Variants in PDXDC1 observed in about 807,000 individuals in gnomAD.
The protein encoded by PDXDC1 is pyridoxal-dependent decarboxylase domain-containing protein 1.
Under a neutral mutation model 100.1 loss-of-function variants are expected in PDXDC1, and 42 were observed. The observed-to-expected ratio is 0.42, with a 90% confidence interval of 0.33 to 0.54. PDXDC1 has a LOEUF of 0.54. Ranked by LOEUF, PDXDC1 falls within the 20% of genes least tolerant of loss-of-function variation. The pLI, the probability that PDXDC1 is intolerant of heterozygous loss-of-function variation, is 0.10. For missense variants in PDXDC1, 636 were observed against 979.2 expected, an observed-to-expected ratio of 0.65 and a Z score of 4.68; for synonymous variants, 260 against 371.7, an observed-to-expected ratio of 0.70 and a Z score of 3.46.
intron 16 of PDXDC1, among the ~76,000 whole-genome samples, chr16:15,105,248 C>T (rs2151858199): frequency 8.2e-6 from 1 of 121,400 alleles, no homozygotes; most frequent in Middle Eastern, 3.8e-3. Context: ...TATGTTCTGT[C>T]TCTGATTCTC....
At chr16:15,005,958 G>A (rs1476655131) in intron 5 of PDXDC1, among the ~76,000 whole-genome samples, 1 of 152,298 alleles carries the variant, frequency 6.6e-6, no homozygotes, top group Non-Finnish European at 1.5e-5. Flanking sequence ...AAAGTGCTGA[G>A]ATTACAGGCG....
chr16:15,001,466 G>T (rs1329701777), intron 3 of PDXDC1, among the ~76,000 whole-genome samples: 1 of 152,288 alleles, frequency 6.6e-6, no homozygotes. Flanking sequence ...TCCAGCTTGG[G>T]TGACAAAGTG....
intron 5 of PDXDC1, among the ~76,000 whole-genome samples, chr16:15,005,317 A>AG (rs1555551933): frequency 4.1e-5 from 6 of 146,860 alleles, no homozygotes; most frequent in Non-Finnish European, 9.0e-5. Context: ...AAAAAAAAAA[A>AG]AAAGAAAACT....
chr16:15,130,368 G>A (rs762696131), intron 16 of PDXDC1: 8 of 1,568,526 alleles, frequency 5.1e-6, no homozygotes, highest in East Asian at 2.4e-5. Context: ...GCACAGGGAC[G>A]TGTACAGGCC....
intron 16 of PDXDC1, chr16:15,132,648 G>A (rs1306727393): frequency 2.5e-5 from 19 of 751,234 alleles, no homozygotes; most frequent in Admixed American, 1.2e-4. Context: ...CAAGCTGCCC[G>A]TCTGCCCTGG....
At chr16:15,040,056 A>C, downstream of PDXDC1, 1 of 1,598,296 alleles carries the variant, frequency 6.3e-7, no homozygotes, top group Non-Finnish European at 8.6e-7. Flanking sequence ...CTGCAGTCTT[A>C]ATGTTGACAG....
upstream of PDXDC1, chr16:14,974,904 G>A (rs1343128663): frequency 1.3e-6 from 2 of 1,535,538 alleles, no homozygotes; most frequent in South Asian, 1.2e-5. Flanking sequence ...GAAAGAGTTT[G>A]GTGAACAATC....
chr16:15,019,152 T>G lies in PDXDC1; in HGVS notation c.1089+187T>G, dbSNP rs367958256. Among the ~76,000 whole-genome samples the G allele has an allele frequency of 6.6e-5, 10 of 152,404 alleles. No homozygotes were observed. The East Asian group carries it at 1.7e-3, about 26-fold the overall frequency. ...TTCTGGGAGAAAGTGCTGGGTTGTC[T>G]GTCCCAGCATTTGTGTGCAGATGAA... On this transcript the variant is annotated intron_variant, in intron 12 of 22. Transcript: ENST00000396410.
chr16:14,983,553 A>C (rs1342223120), intron 1 of PDXDC1, among the ~76,000 whole-genome samples: 3 of 138,180 alleles, frequency 2.2e-5, no homozygotes, highest in African/African-American at 7.7e-5. Flanking sequence ...AGCCTAGGCG[A>C]CAGAGCAAGA....
At chr16:15,132,630 T>A in intron 16 of PDXDC1, 1 of 776,472 alleles carries the variant, frequency 1.3e-6, no homozygotes, top group South Asian at 1.5e-5. Flanking sequence ...GAGGCTCAGC[T>A]CCTCGGCCAA....
At chr16:15,112,160 A>C (rs2047093765) in intron 16 of PDXDC1, among the ~76,000 whole-genome samples, 1 of 148,598 alleles carries the variant, frequency 6.7e-6, no homozygotes, top group South Asian at 2.2e-4. Flanking sequence ...TCATAGCTAA[A>C]ATGCAAAGCA....
chr16:15,036,388 A>G lies in PDXDC1; in HGVS notation c.*113A>G. On this transcript the variant is annotated 3_prime_UTR_variant, in exon 23 of 23. Transcript: ENST00000396410. ...TATAAATTACTGTTGTTTGTGCTTCACTGGGATTTTGGCACAAATATGTGC... is the reference window on the plus strand; with the variant it reads ...TATAAATTACTGTTGTTTGTGCTTCGCTGGGATTTTGGCACAAATATGTGC... 2 of 1,129,450 alleles carry G rather than the reference A, an allele frequency of 1.8e-6. No homozygotes were observed. Among genetic ancestry groups the G allele is most frequent in the Non-Finnish European group, 2.5e-6 (2 of 788,498 alleles). 70.0% of individuals were successfully genotyped at this position (1,129,450 alleles called of 1,614,324 possible). A position where few individuals can be genotyped will look rare whatever the true frequency, so the allele number is the denominator to read the frequency against.
chr16:14,998,720 G>T (rs531332058), intron 3 of PDXDC1, among the ~76,000 whole-genome samples: 108 of 152,370 alleles, frequency 7.1e-4, no homozygotes, highest in African/African-American at 2.5e-3. Flanking sequence ...CTCCCAAAGT[G>T]CTGGGATTAC....
At chr16:15,034,056 G>A in intron 19 of PDXDC1, 1 of 586,446 alleles carries the variant, frequency 1.7e-6, no homozygotes, top group Non-Finnish European at 3.0e-6. Flanking sequence ...TGACTTCTCT[G>A]TTTTCAAGAA....
chr16:14,987,988 A>G (rs541761512), intron 1 of PDXDC1, among the ~76,000 whole-genome samples: 1 of 140,372 alleles, frequency 7.1e-6, no homozygotes, highest in East Asian at 2.4e-4. Context: ...ATCTTTATAC[A>G]ATTCTTTTTT....
intron 16 of PDXDC1, among the ~76,000 whole-genome samples, chr16:15,062,856 AC>A (rs1436457408): frequency 1.3e-5 from 2 of 152,224 alleles, no homozygotes; most frequent in Non-Finnish European, 2.9e-5. Context: ...TGAGTAAGAC[AC>A]GGTTTTGGTG....
chr16:15,050,743 A>T (rs2044261510), intron 16 of PDXDC1, among the ~76,000 whole-genome samples: 1 of 151,858 alleles, frequency 6.6e-6, no homozygotes, highest in Non-Finnish European at 1.5e-5. Flanking sequence ...AAAAAAAAAA[A>T]ATTAAGATTA....
intron 16 of PDXDC1, among the ~76,000 whole-genome samples, chr16:15,128,931 G>A (rs2047907617): frequency 6.7e-6 from 1 of 148,594 alleles, no homozygotes; most frequent in Non-Finnish European, 1.5e-5. Context: ...TCAGTCTCCC[G>A]AGGAGCTGGG....
intron 8 of PDXDC1, among the ~76,000 whole-genome samples, chr16:15,013,900 A>G (rs1299260846): frequency 4.3e-3 from 639 of 149,222 alleles, no homozygotes; most frequent in Non-Finnish European, 6.2e-3. Context: ...AAAAAAAATC[A>G]TACTACAATA....
Sources: gnomAD v4.1 joint callset for allele counts (sites outside exome capture counted in the v4.1 genomes callset) on GRCh38, gnomAD v4.1.1 for gene constraint, MANE v1.5 for transcripts, NCBI Gene and HGNC (gene_info 2026-07-23, HGNC 2026-07-21) for gene names.